PIP5K1A: variants seen among roughly 807,000 people sequenced by gnomAD.
PIP5K1A encodes the protein phosphatidylinositol-4-phosphate 5-kinase type 1 alpha, also known as phosphatidylinositol 4-phosphate 5-kinase type-1 alpha.
Under a neutral mutation model 72.9 loss-of-function variants are expected in PIP5K1A, and 46 were observed. The ratio of observed to expected loss-of-function variants is 0.63; its 90% CI spans 0.50 to 0.81. The LOEUF is 0.81. Among genes scored for constraint, PIP5K1A ranks in the 30% least tolerant of loss-of-function variants. The pLI is 0.00. For synonymous variants in PIP5K1A, 228 were observed against 255.1 expected (o/e 0.89, Z 1.01); for missense variants, 458 against 706.1 (o/e 0.65, Z 3.98).
intron 1 of PIP5K1A, among the ~76,000 whole-genome samples, chr1:151,201,599 G>A (rs992903644): frequency 1.3e-5 from 2 of 151,846 alleles, no homozygotes; most frequent in Admixed American, 1.3e-4. Context: ...CAAGTAATCC[G>A]CCCACTTCGG....
intron 1 of PIP5K1A, among the ~76,000 whole-genome samples, chr1:151,211,769 G>A (rs1442586780): frequency 6.6e-6 from 1 of 151,154 alleles, no homozygotes; most frequent in East Asian, 1.9e-4. Context: ...TCGTGCCACT[G>A]CACTCCAGCC....
intron 1 of PIP5K1A, among the ~76,000 whole-genome samples, chr1:151,206,510 CTTGT>C (rs1214968851): frequency 2.4e-4 from 36 of 151,920 alleles, no homozygotes; most frequent in Admixed American, 2.3e-3. Context: ...GTTTTTTGTT[CTTGT>C]TTGTTTGTTT....
At chr1:151,216,104 C>T (rs887582666) in intron 1 of PIP5K1A, 10 of 567,962 alleles carry the variant, frequency 1.8e-5, no homozygotes, top group African/African-American at 3.9e-5. Flanking sequence ...ATCCCAGCAC[C>T]TTGGGAGGCC....
At chr1:151,206,449 G>C (rs1685939179) in intron 1 of PIP5K1A, among the ~76,000 whole-genome samples, 1 of 152,164 alleles carries the variant, frequency 6.6e-6, no homozygotes, top group African/African-American at 2.4e-5. Flanking sequence ...GGTTGGGGGT[G>C]GGCAAAGGGG....
At chr1:151,236,418 G>C (rs1375733377) in intron 8 of PIP5K1A, 140 bp from the exon 9 acceptor site, 1 of 604,628 alleles carries the variant, frequency 1.7e-6, no homozygotes, top group Non-Finnish European at 2.9e-6. Flanking sequence ...TGCAGCTACA[G>C]TGAGCCGAGA....
upstream of PIP5K1A, among the ~76,000 whole-genome samples, chr1:151,196,972 T>C (rs758716908): frequency 2.0e-5 from 3 of 151,530 alleles, no homozygotes; most frequent in African/African-American, 7.3e-5. Flanking sequence ...GCGATTCTCC[T>C]GCCTCAGCCT....
At chr1:151,226,407 A>G (rs1417912290) in intron 3 of PIP5K1A, among the ~76,000 whole-genome samples, 3 of 151,912 alleles carry the variant, frequency 2.0e-5, no homozygotes, top group Non-Finnish European at 2.9e-5. Flanking sequence ...TGTTTCTACT[A>G]CTGTTTAAAA....
chr1:151,208,889 C>T (rs1433398876), intron 1 of PIP5K1A, among the ~76,000 whole-genome samples: 8 of 151,444 alleles, frequency 5.3e-5, no homozygotes, highest in Admixed American at 1.3e-4. Flanking sequence ...CCTGCTACCA[C>T]GCCCGGCTAA....
At chr1:151,208,215 A>G (rs1686222929) in intron 1 of PIP5K1A, among the ~76,000 whole-genome samples, 1 of 152,044 alleles carries the variant, frequency 6.6e-6, no homozygotes, top group Non-Finnish European at 1.5e-5. Flanking sequence ...TGACCCCAGG[A>G]CTGGTAGATC....
At chr1:151,215,269 C>A (rs1239672786) in intron 1 of PIP5K1A, among the ~76,000 whole-genome samples, 1 of 151,556 alleles carries the variant, frequency 6.6e-6, no homozygotes. Context: ...AGCTCTCGAC[C>A]TCAGGTGATC....
At position 151,248,044 on chromosome 1, in the gene PIP5K1A, C is replaced by G; in HGVS notation, c.*179C>G. 1.6e-6 allele frequency: 1 copy of G among 642,832 alleles called. No homozygotes were observed. The allele number at this position is 642,832 out of a possible 1,614,324, so 39.8% of individuals were successfully genotyped here. On this transcript the variant is annotated 3_prime_UTR_variant, in exon 16 of 16. Transcript: ENST00000368888. The stretch of plus-strand genomic sequence containing the variant: ...TGAAGAAGAACCTTCTCTCCTTCCT[C>G]TTCCTCATGAATGGGCCTTAGTGCC...
intron 7 of PIP5K1A, chr1:151,233,864 T>C (rs1690470508): frequency 1.2e-5 from 3 of 252,866 alleles, no homozygotes; most frequent in Non-Finnish European, 2.3e-5. Context: ...TAGGTAACTC[T>C]CCTTACCTGC....
At chr1:151,203,592 G>A (rs1340206351) in intron 1 of PIP5K1A, among the ~76,000 whole-genome samples, 5 of 151,508 alleles carry the variant, frequency 3.3e-5, no homozygotes, top group Non-Finnish European at 1.5e-5. Context: ...TTGGGAGGCC[G>A]AGGTGGGCGG....
chr1:151,236,759 GA>G lies in PIP5K1A; in HGVS notation c.1142del (p.Asp381AlafsTer75). 1 of 1,610,012 alleles carries G rather than the reference GA, an allele frequency of 6.2e-7. No individual in the cohort carries two copies. On this transcript the variant is annotated frameshift_variant, in exon 9 of 16. Coordinates refer to ENST00000368888, the MANE Select transcript of PIP5K1A (RefSeq NM_001135638.2). LOFTEE classifies it high-confidence loss of function. ...ACGGGGTGGTACCATGGAGACTGAT[GA>G]CCAGTAAGTGGGCTCAGGGCCACTA... The part of the protein sequence containing the change: ...ARRGGTMETD[D>X]HMGGIPARNS...
At chr1:151,197,956 G>A (rs587730998), upstream of PIP5K1A, 1 of 437,640 alleles carries the variant, frequency 2.3e-6, no homozygotes, top group East Asian at 7.4e-5. Flanking sequence ...TGGGTCGCGG[G>A]AAGGTTGTGA....
At chr1:151,218,365 C>T (rs1254905998) in intron 1 of PIP5K1A, among the ~76,000 whole-genome samples, 1 of 152,078 alleles carries the variant, frequency 6.6e-6, no homozygotes, top group East Asian at 1.9e-4. Flanking sequence ...ACTCTTAATC[C>T]TATCAGTGAA....
chr1:151,239,601 C>G (rs1036862936), intron 11 of PIP5K1A, among the ~76,000 whole-genome samples: 1 of 152,160 alleles, frequency 6.6e-6, no homozygotes, highest in African/African-American at 2.4e-5. Flanking sequence ...AATCTCAGCT[C>G]ACTTCAACCT....
intron 9 of PIP5K1A, among the ~76,000 whole-genome samples, chr1:151,237,831 G>A (rs996859900): frequency 1.3e-5 from 2 of 151,046 alleles, no homozygotes; most frequent in African/African-American, 4.9e-5. Context: ...AATTAAGATA[G>A]CAAAAGTACT....
At position 151,239,100 on chromosome 1, in the gene PIP5K1A, G is replaced by A. The variant is rs138243014; in HGVS notation, c.1230-30G>A. 69 of 1,551,290 alleles carry A rather than the reference G, an allele frequency of 4.4e-5. No homozygotes were observed. In the African/African-American group the frequency reaches 6.7e-4, roughly 15 times the overall value. ...TTAAGGTCATTTATTTAAAAATGAC[G>A]TGAGTAGGTGATGTACATTTTTCTT... is the stretch of plus-strand genomic sequence containing the variant. On this transcript the variant is annotated intron_variant, in intron 10 of 15. Transcript: ENST00000368888.
Sources: allele counts gnomAD v4.1 joint callset (sites outside exome capture counted in the v4.1 genomes callset), GRCh38; gene constraint gnomAD v4.1.1; transcripts MANE v1.5; gene names NCBI Gene and HGNC (gene_info 2026-07-23, HGNC 2026-07-21).